The following RAB11FIP4 variants were observed in gnomAD, a reference collection of about 807,000 sequenced individuals.
RAB11FIP4 encodes rab11 family-interacting protein 4.
A neutral mutation model predicts 74.3 loss-of-function variants in RAB11FIP4; 23 were observed. That is an observed-to-expected ratio of 0.31 (90% confidence interval 0.22 to 0.44). The LOEUF (loss-of-function observed/expected upper bound fraction) is 0.44. Among genes scored for constraint, RAB11FIP4 ranks in the 20% least tolerant of loss-of-function variants. The probability of loss-of-function intolerance (pLI) is 1.00; values close to 1 mark genes in which losing one functional copy is unlikely to be tolerated. For synonymous variants in RAB11FIP4, 360 were observed against 359.9 expected, an observed-to-expected ratio of 1.00 and a Z score of 0.00; for missense variants, 630 against 863.9, an observed-to-expected ratio of 0.73 and a Z score of 3.39.
At position 31,440,337 on chromosome 17, in the gene RAB11FIP4, G is replaced by A. The variant is rs564455625; in HGVS notation, c.336+6215G>A. On this transcript the variant is annotated intron_variant, in intron 3 of 14. Transcript: ENST00000621161. ...TTGTATGCTAACTTACCTTATATAC[G>A]TAGGTCTCTTTCTGGACTCTGGTCT... 1.1e-4 allele frequency among the ~76,000 whole-genome samples: 16 copies of A among 152,186 alleles called. No individual in the cohort carries two copies. In the South Asian group the frequency reaches 2.9e-3, roughly 28 times the overall value.
intron 3 of RAB11FIP4, among the ~76,000 whole-genome samples, chr17:31,487,383 G>A (rs572308864): frequency 6.6e-6 from 1 of 152,178 alleles, no homozygotes; most frequent in Admixed American, 6.5e-5. Flanking sequence ...CACTTTGTCT[G>A]AGCCACTGTG....
chr17:31,522,265 G>C, intron 6 of RAB11FIP4, 95 bp from the exon 7 acceptor site: 1 of 1,377,876 alleles, frequency 7.3e-7, no homozygotes, highest in South Asian at 1.3e-5. Context: ...GGAGGGAAGA[G>C]CCTTGTCCTG....
chr17:31,525,130 A>G lies in RAB11FIP4; in HGVS notation c.1174A>G (p.Thr392Ala), dbSNP rs1213375952. The G allele has an allele frequency of 4.5e-6, 7 of 1,550,242 alleles. No homozygotes were observed. The highest frequency in any genetic ancestry group is 2.0e-5 in the Admixed American group (1 of 51,004). Residue 392 changes from threonine (T) to alanine (A), a missense_variant, in exon 10 of 15, where the codon ACG becomes GCG. Coordinates refer to ENST00000621161, the MANE Select transcript of RAB11FIP4 (RefSeq NM_032932.6). ...LEEMVKDQET[T>A]AEQALEEEAR... The stretch of plus-strand genomic sequence containing the variant: ...GGAGATGGTGAAGGATCAGGAGACC[A>G]CGGCCGAGCAGGCTCTGGAGGAGGA...
chr17:31,432,191 C>T (rs907110318), intron 2 of RAB11FIP4, among the ~76,000 whole-genome samples: 2 of 152,156 alleles, frequency 1.3e-5, no homozygotes, highest in Non-Finnish European at 2.9e-5. Context: ...CTTCCTCTCT[C>T]TCCCGCTCTG....
intron 3 of RAB11FIP4, among the ~76,000 whole-genome samples, chr17:31,460,776 G>A (rs1465327476): frequency 6.6e-6 from 1 of 151,998 alleles, no homozygotes; most frequent in Non-Finnish European, 1.5e-5. Flanking sequence ...TGTCACCCAG[G>A]CTGGAGTGCA....
chr17:31,405,049 T>G (rs2071029763), intron 1 of RAB11FIP4, among the ~76,000 whole-genome samples: 1 of 151,152 alleles, frequency 6.6e-6, no homozygotes, highest in African/African-American at 2.4e-5. Context: ...GTTGAAGAGG[T>G]TTAAGCAGAG....
intron 3 of RAB11FIP4, among the ~76,000 whole-genome samples, chr17:31,446,012 C>CTT (rs1424389522): frequency 6.1e-5 from 9 of 147,658 alleles, no homozygotes; most frequent in Non-Finnish European, 1.3e-4. Flanking sequence ...CTTTTTTTTT[C>CTT]TTTTCTTTCT....
intron 4 of RAB11FIP4, among the ~76,000 whole-genome samples, chr17:31,519,685 T>C (rs2072626688): frequency 1.3e-5 from 2 of 152,158 alleles, no homozygotes; most frequent in Non-Finnish European, 2.9e-5. Context: ...CTTTTAATCA[T>C]TTCCATCTTC....
chr17:31,412,067 G>A (rs2071102315), intron 1 of RAB11FIP4, among the ~76,000 whole-genome samples: 1 of 152,178 alleles, frequency 6.6e-6, no homozygotes, highest in Admixed American at 6.5e-5. Context: ...CTTGGTCCTG[G>A]GAGGACCCAC....
At chr17:31,445,530 T>G (rs12939541) in intron 3 of RAB11FIP4, among the ~76,000 whole-genome samples, 1 of 36,760 alleles carries the variant, frequency 2.7e-5, no homozygotes, top group African/African-American at 1.4e-4. Context: ...ATTTTCCCAA[T>G]TTTATATATA....
At position 31,530,425 on chromosome 17, in the gene RAB11FIP4, G is replaced by A. The variant is rs372532685; in HGVS notation, c.1753G>A (p.Ala585Thr). 1.2e-4 allele frequency: 201 copies of A among 1,614,012 alleles called. No individual in the cohort carries two copies. The highest frequency in any genetic ancestry group is 1.7e-4 in the Non-Finnish European group (199 of 1,180,012). ...AKNLFAAQTK[A>T]QSLAAEIDTA... is the part of the protein sequence containing the mutation. Reference sequence around the variant, plus strand: ...AAACCTCTTTGCTGCCCAGACTAAAGCCCAGTCTCTGGCTGCGGAGATAGA... The same window carrying A: ...AAACCTCTTTGCTGCCCAGACTAAAACCCAGTCTCTGGCTGCGGAGATAGA... Residue 585 changes from alanine (A) to threonine (T), a missense_variant, in exon 14 of 15, where the codon GCC becomes ACC. Ala to Thr is a moderately conservative substitution (Grantham distance 58, BLOSUM62 0). Transcript: ENST00000621161.
chr17:31,423,998 A>T (rs8066433), intron 1 of RAB11FIP4, among the ~76,000 whole-genome samples: 6,321 of 152,002 alleles, frequency 0.042, 418 homozygotes, highest in African/African-American at 0.14. Context: ...GAGAAAAAAG[A>T]CCCAGGGCAC....
intron 1 of RAB11FIP4, among the ~76,000 whole-genome samples, chr17:31,394,724 G>A (rs1035738073): frequency 1.3e-5 from 2 of 152,182 alleles, no homozygotes; most frequent in African/African-American, 4.8e-5. Context: ...TGGAGAAGCA[G>A]TGCTTGGTGT....
At chr17:31,392,139 G>A (rs578027581) in intron 1 of RAB11FIP4, 128 bp downstream of exon 1, 4 of 675,736 alleles carry the variant, frequency 5.9e-6, no homozygotes, top group East Asian at 8.8e-5. Context: ...CCCTCCCTCC[G>A]CCGGAGCCCA....
chr17:31,444,536 C>T (rs907861011), intron 3 of RAB11FIP4, among the ~76,000 whole-genome samples: 3 of 152,108 alleles, frequency 2.0e-5, no homozygotes, highest in East Asian at 1.9e-4. Flanking sequence ...TGCCCTGGAC[C>T]GTGTGTCTTC....
At chr17:31,513,133 C>A (rs1386553375) in intron 3 of RAB11FIP4, among the ~76,000 whole-genome samples, 1 of 152,070 alleles carries the variant, frequency 6.6e-6, no homozygotes, top group Non-Finnish European at 1.5e-5. Flanking sequence ...TCTCCCATGA[C>A]CCCCAGTCTA....
chr17:31,421,305 A>G (rs994453055), intron 1 of RAB11FIP4, among the ~76,000 whole-genome samples: 4 of 151,106 alleles, frequency 2.6e-5, no homozygotes, highest in Non-Finnish European at 4.4e-5. Flanking sequence ...CGAAATCTCC[A>G]TCTCCCAGGT....
intron 3 of RAB11FIP4, among the ~76,000 whole-genome samples, chr17:31,480,008 C>T (rs558005337): frequency 1.1e-4 from 16 of 152,254 alleles, no homozygotes; most frequent in South Asian, 1.0e-3. Context: ...TCTCTTCTAA[C>T]GCATCTCCCA....
intron 3 of RAB11FIP4, among the ~76,000 whole-genome samples, chr17:31,514,158 C>T (rs981270709): frequency 3.3e-5 from 5 of 152,242 alleles, no homozygotes; most frequent in East Asian, 1.9e-4. Flanking sequence ...TGAGCCAAGC[C>T]ATTTGAGGCT....
Sources: allele counts gnomAD v4.1 joint callset (sites outside exome capture counted in the v4.1 genomes callset), GRCh38; gene constraint gnomAD v4.1.1; transcripts MANE v1.5; gene names NCBI Gene and HGNC (gene_info 2026-07-23, HGNC 2026-07-21).